FHOD3: variants seen among roughly 807,000 people sequenced by gnomAD.
FHOD3 encodes the protein formin homology 2 domain containing 3.
Under a neutral mutation model 173.0 loss-of-function variants are expected in FHOD3, and 90 were observed. That is an observed-to-expected ratio of 0.52 (90% CI 0.44 to 0.62). FHOD3 has a LOEUF of 0.62. Among genes scored for constraint, FHOD3 ranks in the 20% least tolerant of loss-of-function variants. The pLI, the probability that FHOD3 is intolerant of heterozygous loss-of-function variation, is 0.00. For synonymous variants in FHOD3, 828 were observed against 823.0 expected, an observed-to-expected ratio of 1.01 and a Z score of -0.10; for missense variants, 1,945 against 2,034.7, an observed-to-expected ratio of 0.96 and a Z score of 0.85.
intron 21 of FHOD3, 32 bp downstream of exon 21, chr18:36,740,870 C>T (rs751485378): frequency 2.5e-6 from 4 of 1,589,214 alleles, no homozygotes; most frequent in East Asian, 2.2e-5. Flanking sequence ...CCGCTGATCC[C>T]ACATCCACAG....
intron 23 of FHOD3, among the ~76,000 whole-genome samples, chr18:36,744,655 A>C (rs1358061483): frequency 1.3e-5 from 2 of 152,234 alleles, no homozygotes; most frequent in African/African-American, 4.8e-5. Flanking sequence ...AGTCCCTATG[A>C]TCTTGCCCAG....
At chr18:36,322,967 CT>C (rs2044479137) in intron 1 of FHOD3, among the ~76,000 whole-genome samples, 1 of 152,222 alleles carries the variant, frequency 6.6e-6, no homozygotes, top group Non-Finnish European at 1.5e-5. Flanking sequence ...CATGGGTGCC[CT>C]TTTGGCTGCC....
chr18:36,692,934 G>A, intron 16 of FHOD3: 1 of 474,200 alleles, frequency 2.1e-6, no homozygotes, highest in Non-Finnish European at 3.8e-6. Context: ...CCCTAAAAGA[G>A]CAAGATAGGA....
At chr18:36,640,316 A>G (rs1189731855) in intron 10 of FHOD3, among the ~76,000 whole-genome samples, 2 of 152,224 alleles carry the variant, frequency 1.3e-5, no homozygotes, top group African/African-American at 2.4e-5. Context: ...ATGGCTAACA[A>G]AACTCTACTT....
intron 3 of FHOD3, among the ~76,000 whole-genome samples, chr18:36,470,918 C>G (rs1224461686): frequency 6.6e-6 from 1 of 152,092 alleles, no homozygotes; most frequent in Non-Finnish European, 1.5e-5. Flanking sequence ...TGGTGCCTTC[C>G]GTGGGGTCTT....
At chr18:36,671,852 G>T (rs1016718) in intron 14 of FHOD3, among the ~76,000 whole-genome samples, 1 of 152,138 alleles carries the variant, frequency 6.6e-6, no homozygotes, top group Non-Finnish European at 1.5e-5. Context: ...GGAGTAAGCC[G>T]TGCCAGAAAC....
chr18:36,577,643 G>T (rs770275716), intron 6 of FHOD3, among the ~76,000 whole-genome samples: 2 of 152,194 alleles, frequency 1.3e-5, no homozygotes, highest in Non-Finnish European at 1.5e-5. Context: ...TAATTCTCAT[G>T]AGGCCACTGT....
intron 6 of FHOD3, among the ~76,000 whole-genome samples, chr18:36,590,406 C>A (rs1599774261): frequency 7.7e-6 from 1 of 130,134 alleles, no homozygotes; most frequent in Non-Finnish European, 1.7e-5. Flanking sequence ...ATGGAATGTA[C>A]CTTTTTTACT....
intron 14 of FHOD3, 125 bp downstream of exon 14, chr18:36,658,313 A>G (rs2036557734): frequency 3.2e-6 from 2 of 627,928 alleles, no homozygotes; most frequent in African/African-American, 2.0e-5. Flanking sequence ...TTTACAGAAC[A>G]TTGTCCGAAG....
chr18:36,421,587 G>C (rs994993836), intron 3 of FHOD3, among the ~76,000 whole-genome samples: 1 of 152,292 alleles, frequency 6.6e-6, no homozygotes, highest in East Asian at 1.9e-4. Context: ...ATTTCATAGC[G>C]GTAAAGGTGA....
At position 36,755,271 on chromosome 18, in the gene FHOD3, A is replaced by G; in HGVS notation, c.4385A>G (p.His1462Arg). The change falls in exon 25 of 29, where the codon CAC becomes CGC. Residue 1462 changes from histidine (H) to arginine (R), a missense_variant. By Grantham distance (29) the His-to-Arg change is conservative. Around this residue, in one of 5 missense-constraint regions of FHOD3, gnomAD observed 354 missense variants for 359.9 expected, o/e 0.98. Coordinates refer to ENST00000590592, the MANE Select transcript of FHOD3 (RefSeq NM_001281740.3). The part of the protein sequence containing the change: ...VLQQKQKRAN[H>R]RERNKTRGKM... ...CAGCAGAAACAGAAACGGGCCAACCACAGAGAGAGAAATAAGACCAGAGGG... is the reference window on the plus strand; with the variant it reads ...CAGCAGAAACAGAAACGGGCCAACCGCAGAGAGAGAAATAAGACCAGAGGG... 1 of 1,610,896 alleles carries G rather than the reference A, an allele frequency of 6.2e-7. No individual in the cohort carries two copies. Among genetic ancestry groups the G allele is most frequent in the Non-Finnish European group, 8.5e-7 (1 of 1,178,296 alleles).
Position 36,372,723 on chromosome 18 carries a change from G to C in FHOD3, c.316G>C (p.Val106Leu). ...HSIILRTQLS[V>L]RVHACIEKLY... ...CATCATCCTAAGGACGCAGCTGTCT[G>C]TGAGGGTCCATGCCTGCATCGGTGA... Residue 106 changes from valine (V) to leucine (L), a missense_variant, in exon 3 of 29, where the codon GTG (valine) becomes CTG (leucine). Physicochemically the swap from Val to Leu is conservative, Grantham distance 32 (BLOSUM62 1). This residue lies in a region of FHOD3 where 245 missense variants were observed against 267.7 expected (regional missense o/e 0.92). Transcript: ENST00000590592. 2 of 1,614,062 alleles carry C rather than the reference G, an allele frequency of 1.2e-6. No homozygotes were observed. Among genetic ancestry groups the C allele is most frequent in the Non-Finnish European group, 1.7e-6 (2 of 1,179,984 alleles).
intron 3 of FHOD3, among the ~76,000 whole-genome samples, chr18:36,450,930 C>T (rs2051808148): frequency 6.6e-6 from 1 of 152,146 alleles, no homozygotes; most frequent in Admixed American, 6.5e-5. Flanking sequence ...GAGCAGTGAA[C>T]CCTGGAAAGC....
At chr18:36,702,111 C>T (rs904066366) in intron 17 of FHOD3, among the ~76,000 whole-genome samples, 4 of 152,168 alleles carry the variant, frequency 2.6e-5, no homozygotes, top group African/African-American at 9.7e-5. Flanking sequence ...TGCAACTATT[C>T]CTGTAGAGCA....
chr18:36,676,600 T>G (rs1340617576), intron 14 of FHOD3, among the ~76,000 whole-genome samples: 1 of 151,080 alleles, frequency 6.6e-6, no homozygotes, highest in Non-Finnish European at 1.5e-5. Flanking sequence ...GTATTAAGTG[T>G]TTTTTTTTCC....
intron 3 of FHOD3, among the ~76,000 whole-genome samples, chr18:36,425,010 A>G (rs543130627): frequency 6.6e-6 from 1 of 152,350 alleles, no homozygotes; most frequent in Non-Finnish European, 1.5e-5. Flanking sequence ...CTGGCAATTC[A>G]GATAAGCCAA....
At chr18:36,464,390 G>A (rs2052778346) in intron 3 of FHOD3, among the ~76,000 whole-genome samples, 1 of 152,116 alleles carries the variant, frequency 6.6e-6, no homozygotes. Flanking sequence ...GAGATGTGCA[G>A]CGGGGCAGAC....
At chr18:36,339,740 C>G (rs2045514578) in intron 1 of FHOD3, among the ~76,000 whole-genome samples, 1 of 152,166 alleles carries the variant, frequency 6.6e-6, no homozygotes, top group African/African-American at 2.4e-5. Context: ...ACCTGTGAAA[C>G]TCTACATATG....
intron 10 of FHOD3, among the ~76,000 whole-genome samples, chr18:36,645,030 G>T (rs906888726): frequency 6.6e-6 from 1 of 152,166 alleles, no homozygotes; most frequent in Admixed American, 6.5e-5. Context: ...GCTGAGGGAA[G>T]GTGGCCTCAT....
Sources: gnomAD v4.1 joint callset for allele counts (sites outside exome capture counted in the v4.1 genomes callset) on GRCh38, gnomAD v4.1.1 for gene constraint, gnomAD v4.1.1 regional missense constraint, MANE v1.5 for transcripts, NCBI Gene and HGNC (gene_info 2026-07-23, HGNC 2026-07-21) for gene names.